ARK2N: variants seen among roughly 807,000 people sequenced by gnomAD.
The protein encoded by ARK2N is arkadia (RNF111) N-terminal like PKA signaling regulator 2N, also known as protein ARK2N.
the ARK2N span, among the ~76,000 whole-genome samples, chr18:46,194,236 A>C: frequency 4.8e-3 from 733 of 152,016 alleles, 10 homozygotes; most frequent in African/African-American, 0.016. Context: ...ACAGGTGTCC[A>C]CCACCATGCC....
the ARK2N span, among the ~76,000 whole-genome samples, chr18:46,234,343 G>A: frequency 3.9e-5 from 6 of 151,946 alleles, no homozygotes; most frequent in Non-Finnish European, 5.9e-5. Context: ...GACTGCAGGC[G>A]TATGCCACTC....
chr18:46,199,230 A>G, the ARK2N span, among the ~76,000 whole-genome samples: 19,201 of 152,048 alleles, frequency 0.13, 1,687 homozygotes, highest in East Asian at 0.4. Context: ...TTACCTTTCC[A>G]TGGTGGGCTT....
chr18:46,177,458 G>T, the ARK2N span, among the ~76,000 whole-genome samples: 1 of 116,146 alleles, frequency 8.6e-6, no homozygotes, highest in Admixed American at 1.0e-4. Flanking sequence ...TTTTGATGGA[G>T]TCTTACTCTG....
chr18:46,182,951 T>C, the ARK2N span, among the ~76,000 whole-genome samples: 1 of 152,140 alleles, frequency 6.6e-6, no homozygotes, highest in Non-Finnish European at 1.5e-5. Flanking sequence ...CCAAATTCAG[T>C]GCATTATGGA....
the ARK2N span, among the ~76,000 whole-genome samples, chr18:46,202,867 G>T: frequency 1.3e-5 from 2 of 151,618 alleles, no homozygotes; most frequent in Non-Finnish European, 2.9e-5. Context: ...TTTTCTGTTG[G>T]AGACTGAAAT....
the ARK2N span, among the ~76,000 whole-genome samples, chr18:46,236,049 T>C: frequency 2.0e-5 from 3 of 152,330 alleles, no homozygotes; most frequent in East Asian, 5.8e-4. Flanking sequence ...AGTTCGAACC[T>C]ATTTATTATA....
At chr18:46,258,163 C>CCT in the ARK2N span, among the ~76,000 whole-genome samples, 2 of 152,076 alleles carry the variant, frequency 1.3e-5, no homozygotes, top group Non-Finnish European at 2.9e-5. Flanking sequence ...TGAGCTCAGA[C>CCT]GATCTGCCCG....
At chr18:46,236,658 T>C in the ARK2N span, among the ~76,000 whole-genome samples, 3 of 152,232 alleles carry the variant, frequency 2.0e-5, no homozygotes, top group African/African-American at 7.2e-5. Context: ...TTTTCATGTA[T>C]AACTTTATTT....
the ARK2N span, among the ~76,000 whole-genome samples, chr18:46,239,819 A>G: frequency 6.6e-6 from 1 of 152,130 alleles, no homozygotes; most frequent in African/African-American, 2.4e-5. Flanking sequence ...TGTGTCCATC[A>G]TCTTTGTAAG....
At chr18:46,259,772 C>CCGTG in the ARK2N span, among the ~76,000 whole-genome samples, 3 of 104,800 alleles carry the variant, frequency 2.9e-5, no homozygotes, top group Non-Finnish European at 5.9e-5. Context: ...CACCCAGCTA[C>CCGTG]TGTGTGTGTG....
At chr18:46,183,256 T>C in the ARK2N span, among the ~76,000 whole-genome samples, 1 of 152,204 alleles carries the variant, frequency 6.6e-6, no homozygotes, top group Admixed American at 6.6e-5. Context: ...AAAGAAGTTT[T>C]CCCAGTGTGG....
At chr18:46,216,215 CAGA>C in the ARK2N span, 1 of 1,613,918 alleles carries the variant, frequency 6.2e-7, no homozygotes, top group Non-Finnish European at 8.5e-7. This position sits in a 1 kb window ranked among gnomAD's most constrained non-coding sequence, Gnocchi z 4.3. Flanking sequence ...TTGTCTTCCG[CAGA>C]AGAGAATGAA....
the ARK2N span, among the ~76,000 whole-genome samples, chr18:46,248,378 G>C: frequency 6.6e-6 from 1 of 152,194 alleles, no homozygotes; most frequent in African/African-American, 2.4e-5. Flanking sequence ...AGGGTGAGCA[G>C]TGGGTGGCTG....
At chr18:46,236,162 A>G in the ARK2N span, among the ~76,000 whole-genome samples, 1 of 152,160 alleles carries the variant, frequency 6.6e-6, no homozygotes, top group African/African-American at 2.4e-5. Context: ...AAAAATTCTA[A>G]AATTTTATTT....
At chr18:46,264,194 G>A in the ARK2N span, 4 of 152,564 alleles carry the variant, frequency 2.6e-5, no homozygotes, top group African/African-American at 7.2e-5. Flanking sequence ...TGCAAAGCAC[G>A]TTAATGTCAT....
At chr18:46,185,068 T>C in the ARK2N span, among the ~76,000 whole-genome samples, 2 of 152,230 alleles carry the variant, frequency 1.3e-5, no homozygotes, top group African/African-American at 4.8e-5. Flanking sequence ...TTCTATGTAA[T>C]GGAATGTATT....
At chr18:46,242,419 A>G in the ARK2N span, among the ~76,000 whole-genome samples, 3 of 152,312 alleles carry the variant, frequency 2.0e-5, no homozygotes, top group Admixed American at 6.5e-5. Context: ...ATTAAAGTTT[A>G]GCTTTTGGGA....
the ARK2N span, chr18:46,174,059 C>G: frequency 6.6e-6 from 1 of 152,470 alleles, no homozygotes; most frequent in African/African-American, 2.4e-5. Context: ...GGAACGGCCT[C>G]TGGTGACATT....
At chr18:46,213,374 A>C in the ARK2N span, among the ~76,000 whole-genome samples, 1 of 152,098 alleles carries the variant, frequency 6.6e-6, no homozygotes, top group East Asian at 1.9e-4. Flanking sequence ...TTATTCAGTT[A>C]GAAAATCTTT....
Sources: gnomAD v4.1 joint callset for allele counts (sites outside exome capture counted in the v4.1 genomes callset) on GRCh38, gnomAD v4.1.1 for gene constraint, Gnocchi (gnomAD v3.1) non-coding constraint, MANE v1.5 for transcripts, NCBI Gene and HGNC (gene_info 2026-07-23, HGNC 2026-07-21) for gene names.